The following ERBB2 variants were observed in gnomAD, a reference collection of about 807,000 sequenced individuals.
ERBB2 encodes the protein receptor tyrosine-protein kinase erbB-2.
In ERBB2, 61 loss-of-function variants were observed where a neutral mutation model predicts 149.0. The ratio of observed to expected loss-of-function variants is 0.41; its 90% CI spans 0.33 to 0.51. The LOEUF is 0.51. ERBB2 is among the 20% of genes least tolerant of loss of function. ERBB2 has a pLI of 0.25. For synonymous variants in ERBB2, 633 were observed against 678.8 expected (o/e 0.93, Z 1.05); for missense variants, 1,205 against 1,655.1 (o/e 0.73, Z 4.72).
At position 39,723,695 on chromosome 17, in the gene ERBB2, G is replaced by A. The variant is rs921584093; in HGVS notation, c.2208+35G>A. The A allele has an allele frequency of 5.7e-6, 9 of 1,584,296 alleles. No individual in the cohort carries two copies. The highest frequency in any genetic ancestry group is 7.7e-6 in the Non-Finnish European group (9 of 1,165,032). ...AGGTCCTGGGGTGGGCGGCCCCAGA[G>A]GATGGGGGCGGTGCCTGGAGGGGTG... is the stretch of plus-strand genomic sequence containing the variant. On this transcript the variant is annotated intron_variant, in intron 18 of 26. Transcript: ENST00000269571. The surrounding 1 kb of genome is among the most constrained non-coding windows in gnomAD (Gnocchi z 6.2).
At chr17:39,691,904 T>TATATACATATAC (rs1193736981), upstream of ERBB2, among the ~76,000 whole-genome samples, 3 of 114,534 alleles carry the variant, frequency 2.6e-5, no homozygotes, top group Admixed American at 9.2e-5. Flanking sequence ...GATATAGATA[T>TATATACATATAC]ATATACATAT....
upstream of ERBB2, chr17:39,694,567 A>C (rs1473735226): frequency 6.6e-6 from 1 of 151,926 alleles, no homozygotes; most frequent in Non-Finnish European, 1.5e-5. Context: ...TTGGATTTGA[A>C]GGGCAAAGGA....
upstream of ERBB2, chr17:39,699,998 G>A (rs918390495): frequency 1.6e-6 from 2 of 1,267,590 alleles, no homozygotes; most frequent in East Asian, 3.1e-5. Context: ...AATCACAGGA[G>A]AAGGAGGAGG....
intron 14 of ERBB2, 25 bp from the exon 15 acceptor site, chr17:39,717,295 C>T (rs199730913): frequency 1.3e-5 from 20 of 1,578,326 alleles, no homozygotes; most frequent in Admixed American, 1.0e-4. Context: ...GCCAGCCCCC[C>T]ACAAATCTTT....
chr17:39,723,932 G>T lies in ERBB2; in HGVS notation c.2229G>T (p.Gly743=). 6.2e-7 allele frequency: 1 copy of T among 1,613,982 alleles called. No homozygotes were observed. Among genetic ancestry groups the T allele is most frequent in the Non-Finnish European group, 8.5e-7 (1 of 1,179,888 alleles). Residue 743 remains glycine (G), a synonymous_variant, in exon 19 of 27, where the codon GGG becomes GGT. Transcript: ENST00000269571. This position sits in a 1 kb window ranked among gnomAD's most constrained non-coding sequence, Gnocchi z 6.2. ...CCCAGGGCATCTGGATCCCTGATGG[G>T]GAGAATGTGAAAATTCCAGTGGCCA... ...TVYKGIWIPD[G]ENVKIPVAIK... is the part of the protein sequence containing the mutation.
At chr17:39,702,939 A>T (rs1383363545) in intron 1 of ERBB2, among the ~76,000 whole-genome samples, 1 of 152,246 alleles carries the variant, frequency 6.6e-6, no homozygotes, top group East Asian at 1.9e-4. Flanking sequence ...ATTCCAGCCA[A>T]CAATAATGGG....
At chr17:39,704,347 G>A (rs141949526) in intron 1 of ERBB2, among the ~76,000 whole-genome samples, 2,080 of 152,198 alleles carry the variant, frequency 0.014, 53 homozygotes, top group African/African-American at 0.048. Flanking sequence ...AGGCCGAGAC[G>A]GGCGGATCAC....
At position 39,727,596 on chromosome 17, in the gene ERBB2, AC is replaced by A; in HGVS notation, c.3412+51del. 6.3e-7 allele frequency: 1 copy of A among 1,578,772 alleles called. No individual in the cohort carries two copies. Among genetic ancestry groups the A allele is most frequent in the Non-Finnish European group, 8.6e-7 (1 of 1,169,226 alleles). On this transcript the variant is annotated intron_variant, in intron 26 of 26. Coordinates refer to ENST00000269571, the MANE Select transcript of ERBB2 (RefSeq NM_004448.4). The surrounding 1 kb of genome is among the most constrained non-coding windows in gnomAD (Gnocchi z 4.3). Reference sequence around the variant, plus strand: ...GAGACTGATGGGCAGGGGAGGTGGGACCTTCAGCCCAGGGTCCACTGTGGGG... The same window carrying A: ...GAGACTGATGGGCAGGGGAGGTGGGACTTCAGCCCAGGGTCCACTGTGGGG...
At chr17:39,700,451 A>T (rs2058027907) in intron 1 of ERBB2, 140 bp downstream of exon 1, 2 of 690,494 alleles carry the variant, frequency 2.9e-6, no homozygotes, top group East Asian at 3.4e-5. Context: ...CGAGACGCTC[A>T]GGGCAGCCGG....
chr17:39,723,639 CGCTTTTG>C lies in ERBB2; in HGVS notation c.2190_2196del (p.Phe731GlnfsTer14). 6.2e-7 allele frequency: 1 copy of C among 1,604,470 alleles called. No homozygotes were observed. The highest frequency in any genetic ancestry group is 8.5e-7 in the Non-Finnish European group (1 of 1,175,540). On this transcript the variant is annotated frameshift_variant, in exon 18 of 27. Coordinates refer to ENST00000269571, the MANE Select transcript of ERBB2 (RefSeq NM_004448.4). LOFTEE classifies it high-confidence loss of function. The surrounding 1 kb of genome is among the most constrained non-coding windows in gnomAD (Gnocchi z 6.2). ...GGAAGGTGAAGGTGCTTGGATCTGG[CGCTTTTG>C]GCACAGTCTACAAGGTCAGGGCCAG...
intron 9 of ERBB2, among the ~76,000 whole-genome samples, chr17:39,714,577 T>G (rs564329506): frequency 6.6e-6 from 1 of 152,196 alleles, no homozygotes; most frequent in African/African-American, 2.4e-5. Flanking sequence ...TGGCAGATAC[T>G]AGGTGCTCCT....
At chr17:39,694,283 ATATATACACATATATATGTGT>A (rs2057804298), upstream of ERBB2, among the ~76,000 whole-genome samples, 1 of 57,346 alleles carries the variant, frequency 1.7e-5, no homozygotes, top group Admixed American at 1.8e-4. Context: ...GTATATATAT[ATATATACACATATATATGTGT>A]ATATATATAT....
chr17:39,690,610 A>C (rs980818108), upstream of ERBB2, among the ~76,000 whole-genome samples: 4 of 152,150 alleles, frequency 2.6e-5, no homozygotes, highest in Non-Finnish European at 5.9e-5. Context: ...TTTCCCTGCC[A>C]GCACAGCCCC....
At chr17:39,695,741 ACACACACACACACACACG>A (rs1213017461), upstream of ERBB2, among the ~76,000 whole-genome samples, 1 of 151,100 alleles carries the variant, frequency 6.6e-6, no homozygotes, top group African/African-American at 2.4e-5. Context: ...ACACACACAC[ACACACACACACACACACG>A]TCTCCTGTGC....
At chr17:39,696,527 C>T (rs755442469), upstream of ERBB2, 1 of 152,320 alleles carries the variant, frequency 6.6e-6, no homozygotes, top group Non-Finnish European at 1.5e-5. Flanking sequence ...TCCTCTGTCT[C>T]CCCTCTTGGT....
chr17:39,700,138 T>C lies in ERBB2; in HGVS notation c.-101T>C, dbSNP rs1016236246. 1.5e-6 allele frequency: 2 copies of C among 1,313,686 alleles called. No homozygotes were observed. The highest frequency in any genetic ancestry group is 1.9e-6 in the Non-Finnish European group (2 of 1,038,134). The allele number at this position is 1,313,686 out of a possible 1,614,324, so 81.4% of individuals were successfully genotyped here. ...CGCCCCTTCCCACGGGGCCCTTTAC[T>C]GCGCCGCGCGCCCGGCCCCCACCCC... On this transcript the variant is annotated 5_prime_UTR_variant, in exon 1 of 27. Coordinates refer to ENST00000269571, the MANE Select transcript of ERBB2 (RefSeq NM_004448.4).
Position 39,716,516 on chromosome 17 carries a change from C to G in ERBB2, c.1648C>G (p.Leu550Val), listed in dbSNP as rs1224275634. Residue 550 changes from leucine (L) to valine (V), a missense_variant and splice_region_variant, in exon 14 of 27, where the codon CTC becomes GTC. By Grantham distance (32) the Leu-to-Val change is conservative. Transcript: ENST00000269571. The stretch of plus-strand genomic sequence containing the variant: ...CCTCACCACTGTCCCTTCTCTCAGG[C>G]TCCCCAGGGAGTATGTGAATGCCAG... ...CVEECRVLQG[L>V]PREYVNARHC... 6.2e-7 allele frequency: 1 copy of G among 1,614,008 alleles called. No individual in the cohort carries two copies. Among genetic ancestry groups the G allele is most frequent in the African/African-American group, 1.3e-5 (1 of 74,914 alleles).
intron 3 of ERBB2, 91 bp from the exon 4 acceptor site, chr17:39,709,227 C>A: frequency 6.7e-7 from 1 of 1,489,288 alleles, no homozygotes; most frequent in East Asian, 2.3e-5. Context: ...GTTTAAAAGG[C>A]CTGCTCCTCT....
intron 19 of ERBB2, among the ~76,000 whole-genome samples, chr17:39,724,272 A>ATTTTGTTTTTTTTTTTTTTTT (rs2059616116): frequency 2.6e-5 from 2 of 77,010 alleles, no homozygotes; most frequent in East Asian, 3.1e-4. Flanking sequence ...GCGCCCGCTA[A>ATTTTGTTTTTTTTTTTTTTTT]TTTTTTTTTT....
Sources: gnomAD v4.1 joint callset for allele counts (sites outside exome capture counted in the v4.1 genomes callset) on GRCh38, gnomAD v4.1.1 for gene constraint, Gnocchi (gnomAD v3.1) non-coding constraint, MANE v1.5 for transcripts, NCBI Gene and HGNC (gene_info 2026-07-23, HGNC 2026-07-21) for gene names.